DNA2: variants seen among roughly 807,000 people sequenced by gnomAD.
DNA2 encodes DNA replication helicase/nuclease 2, also known as DNA replication ATP-dependent helicase/nuclease DNA2.
A neutral mutation model predicts 119.1 loss-of-function variants in DNA2; 101 were observed. The observed-to-expected ratio is 0.85, with a 90% CI of 0.72 to 1.00. The LOEUF is 1.00. Ranked by LOEUF, DNA2 falls within the 50% of genes least tolerant of loss-of-function variation. The pLI is 0.00. For synonymous variants in DNA2, 366 were observed against 424.4 expected (o/e 0.86, Z 1.69); for missense variants, 1,121 against 1,255.5 (o/e 0.89, Z 1.62).
In DNA2 at chr10:68,432,500, C is replaced by G; in HGVS notation, c.1657G>C (p.Val553Leu). ...CTGAACAAAGTTGATTCTGGAAGGA[C>G]CGACAAGTTTCTAAAACAACAAAAC... ...VTCLLDRNLS[V>L]LPESTLFRLD... Residue 553 changes from valine (V) to leucine (L), a missense_variant, in exon 11 of 21, where the codon GTC becomes CTC. Val to Leu is a conservative substitution (Grantham distance 32). Transcript: ENST00000358410. 2 of 1,549,582 alleles carry G rather than the reference C, an allele frequency of 1.3e-6. No individual in the cohort carries two copies. The highest frequency in any genetic ancestry group is 1.7e-6 in the Non-Finnish European group (2 of 1,142,922).
intron 13 of DNA2, 94 bp downstream of exon 13, chr10:68,431,768 A>G (rs1176209615): frequency 6.5e-6 from 5 of 773,806 alleles, no homozygotes; most frequent in Non-Finnish European, 8.4e-6. Flanking sequence ...CTGAATTAAA[A>G]TTCAGCCCTT....
chr10:68,439,936 C>G (rs1195837512), intron 9 of DNA2, among the ~76,000 whole-genome samples: 1 of 151,724 alleles, frequency 6.6e-6, no homozygotes. Context: ...ACCCGGGAGG[C>G]AGAGGTTGCA....
At chr10:68,437,288 G>T (rs78920326) in intron 9 of DNA2, 47 bp from the exon 10 acceptor site, 2 of 1,433,106 alleles carry the variant, frequency 1.4e-6, no homozygotes, top group South Asian at 1.3e-5. Context: ...TATTACATAC[G>T]TAAGTATTGT....
intron 6 of DNA2, among the ~76,000 whole-genome samples, chr10:68,448,932 GGTGTGTGTGTGTGTGTGTGT>G (rs776191186): frequency 7.0e-6 from 1 of 142,202 alleles, no homozygotes; most frequent in Admixed American, 7.2e-5. Flanking sequence ...CACCACACCA[GGTGTGTGTGTGTGTGTGTGT>G]GTGTGTGTGT....
In DNA2 at chr10:68,432,467, G is replaced by C. The variant is rs746208772; in HGVS notation, c.1690C>G (p.Gln564Glu). 1.9e-6 allele frequency: 3 copies of C among 1,578,418 alleles called. No individual in the cohort carries two copies. The highest frequency in any genetic ancestry group is 1.2e-5 in the South Asian group (1 of 85,596). The change falls in exon 11 of 21, where the codon CAA (glutamine) becomes GAA (glutamate). Residue 564 changes from glutamine (Q) to glutamate (E), a missense_variant. By Grantham distance (29) the Gln-to-Glu change is conservative (BLOSUM62 2). Transcript: ENST00000358410. ...TCTATATCACAATTTTTTTCTTCTT[G>C]GTCTAATCTGAACAAAGTTGATTCT... ...LPESTLFRLDQEEKNCDIDTP... is the reference protein window; with the variant it reads ...LPESTLFRLDEEEKNCDIDTP...
At chr10:68,443,648 T>C (rs1279667208) in intron 8 of DNA2, among the ~76,000 whole-genome samples, 1 of 152,198 alleles carries the variant, frequency 6.6e-6, no homozygotes, top group Non-Finnish European at 1.5e-5. Context: ...AAAAAATACC[T>C]TAAAAAGTAT....
At chr10:68,461,204 T>G (rs2052253246) in intron 4 of DNA2, among the ~76,000 whole-genome samples, 1 of 152,182 alleles carries the variant, frequency 6.6e-6, no homozygotes, top group Non-Finnish European at 1.5e-5. Flanking sequence ...AGTCTCAATT[T>G]TTCAGGGTTC....
At chr10:68,471,994 C>A (rs2133455905), upstream of DNA2, 3 of 1,611,188 alleles carry the variant, frequency 1.9e-6, no homozygotes, top group East Asian at 2.2e-5. Context: ...GCAGATGTCC[C>A]AAATGACCTG....
intron 9 of DNA2, among the ~76,000 whole-genome samples, chr10:68,439,711 C>A (rs1418325018): frequency 6.6e-6 from 1 of 151,834 alleles, no homozygotes; most frequent in African/African-American, 2.4e-5. Context: ...GTGGCCCATG[C>A]CTGTAATCCC....
chr10:68,415,163 G>T, intron 20 of DNA2, 56 bp from the exon 21 acceptor site: 1 of 1,086,906 alleles, frequency 9.2e-7, no homozygotes, highest in Non-Finnish European at 1.3e-6. Context: ...ATAAATTTAT[G>T]ACATTATTAT....
Position 68,418,966 on chromosome 10 carries a change from C to A in DNA2, c.2967+68G>T, listed in dbSNP as rs565243166. ...GGGATTACAGGTGTGAGCCACCGCGCCCGGCCCACAATTTTTAAAGAGAGA... is the reference window on the plus strand; with the variant it reads ...GGGATTACAGGTGTGAGCCACCGCGACCGGCCCACAATTTTTAAAGAGAGA... On this transcript the variant is annotated intron_variant, in intron 19 of 20. Transcript: ENST00000358410. 2.8e-6 allele frequency: 4 copies of A among 1,453,926 alleles called. No individual in the cohort carries two copies. The African/African-American group carries it at 5.7e-5, about 21-fold the overall frequency. The allele number at this position is 1,453,926 out of a possible 1,614,324, so 90.1% of individuals were successfully genotyped here.
intron 4 of DNA2, among the ~76,000 whole-genome samples, chr10:68,460,176 G>A (rs968780520): frequency 4.0e-5 from 6 of 151,304 alleles, no homozygotes; most frequent in East Asian, 1.9e-4. Flanking sequence ...GCGCTATCTC[G>A]GCTCATTGCA....
rs545941564 is a variant in DNA2, at chr10:68,461,938, T to C, written c.588-2703A>G. ...CTGGGCAACAGAGAGACACCTTACC[T>C]CAAAAAAAATAAATAAGGAAGAAAG... On this transcript the variant is annotated intron_variant, in intron 4 of 20. Coordinates refer to ENST00000358410, the MANE Select transcript of DNA2 (RefSeq NM_001080449.3). Among the ~76,000 whole-genome samples, 7 of 146,316 alleles carry C rather than the reference T, an allele frequency of 4.8e-5. No homozygotes were observed. The South Asian group carries it at 1.5e-3, about 32-fold the overall frequency.
chr10:68,448,936 T>TGC (rs1453558165), intron 6 of DNA2, among the ~76,000 whole-genome samples: 2 of 108,722 alleles, frequency 1.8e-5, no homozygotes, highest in African/African-American at 7.6e-5. Context: ...ACACCAGGTG[T>TGC]GTGTGTGTGT....
chr10:68,457,563 T>A (rs1207557230), intron 5 of DNA2, among the ~76,000 whole-genome samples: 6 of 152,080 alleles, frequency 3.9e-5, no homozygotes, highest in Non-Finnish European at 5.9e-5. Context: ...ACTTGTACAG[T>A]GGTATAGAAA....
At chr10:68,416,277 C>A (rs2051588278) in intron 20 of DNA2, among the ~76,000 whole-genome samples, 1 of 151,978 alleles carries the variant, frequency 6.6e-6, no homozygotes, top group South Asian at 2.1e-4. Flanking sequence ...CCAGCCTGGG[C>A]AACATGGTGA....
At chr10:68,468,436 G>A (rs978512899) in intron 2 of DNA2, 130 bp from the exon 3 acceptor site, 6 of 619,962 alleles carry the variant, frequency 9.7e-6, no homozygotes, top group African/African-American at 9.5e-5. Flanking sequence ...AAATTTCTGG[G>A]TCTTTAAAAA....
chr10:68,429,945 C>T (rs1290967145), intron 14 of DNA2, among the ~76,000 whole-genome samples: 4 of 143,114 alleles, frequency 2.8e-5, no homozygotes, highest in Admixed American at 1.4e-4. Context: ...TGCAGTGGCG[C>T]GATCTCTGCT....
intron 6 of DNA2, among the ~76,000 whole-genome samples, chr10:68,446,719 T>C (rs10998174): frequency 6.6e-6 from 1 of 151,940 alleles, no homozygotes; most frequent in Admixed American, 6.6e-5. Context: ...ATAGTCATTA[T>C]GTTAAGCAAA....
Sources: gnomAD v4.1 joint callset for allele counts (sites outside exome capture counted in the v4.1 genomes callset) on GRCh38, gnomAD v4.1.1 for gene constraint, MANE v1.5 for transcripts, NCBI Gene and HGNC (gene_info 2026-07-23, HGNC 2026-07-21) for gene names.